The following PCDHGA11 variants were observed in gnomAD, a reference collection of about 807,000 sequenced individuals.
The protein encoded by PCDHGA11 is protocadherin gamma subfamily A, 11.
A neutral mutation model predicts 60.4 loss-of-function variants in PCDHGA11; 39 were observed. The ratio of observed to expected loss-of-function variants is 0.65; its 90% CI spans 0.50 to 0.84. The LOEUF is 0.84. PCDHGA11 is among the 40% of genes least tolerant of loss of function. The probability of loss-of-function intolerance (pLI) is 0.00; values close to 1 mark genes in which losing one functional copy is unlikely to be tolerated. For synonymous variants in PCDHGA11, 533 were observed against 510.3 expected (o/e 1.04, Z -0.60); for missense variants, 1,165 against 1,197.7 (o/e 0.97, Z 0.40).
chr5:141,508,270 G>C lies in PCDHGA11; in HGVS notation c.2582-2677G>C, dbSNP rs547745015. On this transcript the variant is annotated intron_variant, in intron 3 of 3. Coordinates refer to ENST00000398587, the MANE Select transcript of PCDHGA11 (RefSeq NM_018914.3). Reference sequence around the variant, plus strand: ...TCTCCTGGGACCAAGAGAAAATCCCGGTCCTTGACCAAGGTGGGCCTTGGG... The same window carrying C: ...TCTCCTGGGACCAAGAGAAAATCCCCGTCCTTGACCAAGGTGGGCCTTGGG... 4 of 152,228 alleles carry C rather than the reference G, an allele frequency of 2.6e-5. No individual in the cohort carries two copies. The East Asian group carries it at 7.7e-4, about 29-fold the overall frequency. 9.4% of individuals were successfully genotyped at this position (152,228 alleles called of 1,614,324 possible). A position where few individuals can be genotyped will look rare whatever the true frequency, so the allele number is the denominator to read the frequency against.
Position 141,485,210 on chromosome 5 carries a change from C to G in PCDHGA11, c.2434-9597C>G. 2 of 1,614,058 alleles carry G rather than the reference C, an allele frequency of 1.2e-6. No individual in the cohort carries two copies. The highest frequency in any genetic ancestry group is 1.7e-6 in the Non-Finnish European group (2 of 1,179,934). On this transcript the variant is annotated intron_variant, in intron 1 of 3. Transcript: ENST00000398587. The surrounding 1 kb of genome is among the most constrained non-coding windows in gnomAD (Gnocchi z 5.7). ...GGTGAGAAGCTGGACAGAAATCTGG[C>G]GGTGGGCTACCCTTTTGTTCCTCTT...
At position 141,421,851 on chromosome 5, in the gene PCDHGA11, T is replaced by G; in HGVS notation, c.624T>G (p.Ala208=). The change falls in exon 1 of 4, where the codon GCT becomes GCG. Residue 208 remains alanine, a synonymous_variant. Transcript: ENST00000398587. The stretch of plus-strand genomic sequence containing the variant: ...GCCTGGACCGAGAGAAAGAGGCTGC[T>G]CACCTGCTCCTCCTCACAGCTTTAG... ...EGSLDREKEA[A]HLLLLTALDG... is the part of the protein sequence containing the mutation. 1 of 1,613,714 alleles carries G rather than the reference T, an allele frequency of 6.2e-7. No individual in the cohort carries two copies. The highest frequency in any genetic ancestry group is 2.2e-5 in the East Asian group (1 of 44,880).
chr5:141,423,074 G>T lies in PCDHGA11; in HGVS notation c.1847G>T (p.Gly616Val), dbSNP rs2096705802. The change falls in exon 1 of 4, where the codon GGA becomes GTA. Residue 616 changes from glycine (G) to valine (V), a missense_variant. By Grantham distance (109) the Gly-to-Val change is moderately radical. Transcript: ENST00000398587. ...SYRLLKASEP[G>V]LFAVGEHTGE... ...CGCCTGCTTAAGGCCAGCGAGCCGG[G>T]ACTCTTCGCGGTGGGGGAGCACACG... 6.2e-7 allele frequency: 1 copy of T among 1,614,006 alleles called. No individual in the cohort carries two copies. The highest frequency in any genetic ancestry group is 1.3e-5 in the African/African-American group (1 of 74,958).
intron 1 of PCDHGA11, among the ~76,000 whole-genome samples, chr5:141,482,605 C>T (rs2099569133): frequency 6.7e-6 from 1 of 150,032 alleles, no homozygotes; most frequent in Admixed American, 6.6e-5. Flanking sequence ...GAAAAAACAC[C>T]TAAATGAGCC....
In PCDHGA11 at chr5:141,487,869, G is replaced by T; in HGVS notation, c.2434-6938G>T. On this transcript the variant is annotated intron_variant, in intron 1 of 3. Transcript: ENST00000398587. This position sits in a 1 kb window ranked among gnomAD's most constrained non-coding sequence, Gnocchi z 5.0. ...AAATGAAAGTAATTGGTGATCAAGA[G>T]CCAGGCTGTTGTGGAAGCATGATGA... 1.1e-6 allele frequency: 1 copy of T among 871,620 alleles called. No individual in the cohort carries two copies. The highest frequency in any genetic ancestry group is 1.7e-6 in the Non-Finnish European group (1 of 574,346). The allele number at this position is 871,620 out of a possible 1,614,324, so 54.0% of individuals were successfully genotyped here. A position where few individuals can be genotyped will look rare whatever the true frequency, so the allele number is the denominator to read the frequency against.
At chr5:141,481,732 T>G (rs549671056) in intron 1 of PCDHGA11, among the ~76,000 whole-genome samples, 33 of 151,884 alleles carry the variant, frequency 2.2e-4, no homozygotes, top group Non-Finnish European at 4.3e-4. Context: ...GGCGGGCGGA[T>G]CACGAGGTCA....
chr5:141,512,395 C>T lies in PCDHGA11; in HGVS notation c.*1222C>T, dbSNP rs1229077213. ...ACCAAATGAACAGAAAGTCTCAGCCCAGGATGGGGCTTCTTCAACAGGGCC... is the reference window on the plus strand; with the variant it reads ...ACCAAATGAACAGAAAGTCTCAGCCTAGGATGGGGCTTCTTCAACAGGGCC... On this transcript the variant is annotated 3_prime_UTR_variant, in exon 4 of 4. Coordinates refer to ENST00000398587, the MANE Select transcript of PCDHGA11 (RefSeq NM_018914.3). 1 of 152,690 alleles carries T rather than the reference C, an allele frequency of 6.5e-6. No individual in the cohort carries two copies. Among genetic ancestry groups the T allele is most frequent in the Non-Finnish European group, 1.5e-5 (1 of 68,072 alleles). The allele number at this position is 152,690 out of a possible 1,614,324, so 9.5% of individuals were successfully genotyped here.
At chr5:141,458,735 A>G (rs2098952642) in intron 1 of PCDHGA11, among the ~76,000 whole-genome samples, 1 of 148,560 alleles carries the variant, frequency 6.7e-6, no homozygotes, top group East Asian at 2.0e-4. Context: ...ACATCCAGCT[A>G]TTGGTTTTGG....
chr5:141,483,007 C>G (rs938404755), intron 1 of PCDHGA11, among the ~76,000 whole-genome samples: 1 of 152,140 alleles, frequency 6.6e-6, no homozygotes, highest in South Asian at 2.1e-4. Flanking sequence ...ATTGCTTGAA[C>G]CCGGGAGGCA....
intron 1 of PCDHGA11, among the ~76,000 whole-genome samples, chr5:141,454,657 C>T (rs554561906): frequency 5.1e-4 from 77 of 152,192 alleles, no homozygotes; most frequent in African/African-American, 1.7e-3. Flanking sequence ...CTGCCCACCT[C>T]GGCCTCCCAA....
At chr5:141,450,835 T>TATTA (rs1438371595) in intron 1 of PCDHGA11, among the ~76,000 whole-genome samples, 1 of 142,096 alleles carries the variant, frequency 7.0e-6, no homozygotes, top group Admixed American at 6.9e-5. Context: ...TATTATTTTT[T>TATTA]TTTTTTTGAG....
intron 2 of PCDHGA11, among the ~76,000 whole-genome samples, chr5:141,504,926 TGGTG>T (rs1312481961): frequency 1.3e-5 from 2 of 151,946 alleles, no homozygotes; most frequent in Non-Finnish European, 2.9e-5. Context: ...GGCTCTCTCA[TGGTG>T]GGTGGGGGAA....
chr5:141,434,209 A>G (rs946478332), intron 1 of PCDHGA11, among the ~76,000 whole-genome samples: 17 of 152,216 alleles, frequency 1.1e-4, no homozygotes, highest in African/African-American at 4.1e-4. Flanking sequence ...TACTTCTGTC[A>G]GTGTAAACAA....
At chr5:141,435,214 A>C (rs1314928643) in intron 1 of PCDHGA11, among the ~76,000 whole-genome samples, 1 of 152,176 alleles carries the variant, frequency 6.6e-6, no homozygotes, top group Non-Finnish European at 1.5e-5. Flanking sequence ...AAGTGAATTT[A>C]CTTTCTTTCA....
Position 141,476,836 on chromosome 5 carries a change from T to G in PCDHGA11, c.2434-17971T>G. 1 of 1,613,652 alleles carries G rather than the reference T, an allele frequency of 6.2e-7. No homozygotes were observed. The highest frequency in any genetic ancestry group is 8.5e-7 in the Non-Finnish European group (1 of 1,180,042). On this transcript the variant is annotated intron_variant, in intron 1 of 3. Coordinates refer to ENST00000398587, the MANE Select transcript of PCDHGA11 (RefSeq NM_018914.3). The surrounding 1 kb of genome is among the most constrained non-coding windows in gnomAD (Gnocchi z 7.6). ...TCAAGGTGCTGGACGCGAATGACAATGCGCCTGTCTTCAACCAGTCCTTGT... is the reference window on the plus strand; with the variant it reads ...TCAAGGTGCTGGACGCGAATGACAAGGCGCCTGTCTTCAACCAGTCCTTGT...
At chr5:141,483,009 C>G (rs538900128) in intron 1 of PCDHGA11, among the ~76,000 whole-genome samples, 1 of 152,060 alleles carries the variant, frequency 6.6e-6, no homozygotes, top group South Asian at 2.1e-4. Context: ...TGCTTGAACC[C>G]GGGAGGCAGA....
chr5:141,426,691 G>A, intron 1 of PCDHGA11: 1 of 435,886 alleles, frequency 2.3e-6, no homozygotes, highest in South Asian at 1.6e-5. Context: ...CCCCAAAATA[G>A]CATTGTTTTA....
Position 141,432,075 on chromosome 5 carries a change from C to T in PCDHGA11, c.2433+8415C>T. On this transcript the variant is annotated intron_variant, in intron 1 of 3. Transcript: ENST00000398587. The surrounding 1 kb of genome is among the most constrained non-coding windows in gnomAD (Gnocchi z 6.0). ...CCCCTATCCACGGAAACTCATATCT[C>T]GCTGAACGTGGCAGACACCAACGAC... 3 of 1,614,204 alleles carry T rather than the reference C, an allele frequency of 1.9e-6. No homozygotes were observed. Among genetic ancestry groups the T allele is most frequent in the Non-Finnish European group, 2.5e-6 (3 of 1,180,046 alleles).
At chr5:141,433,853 A>G (rs934981508) in intron 1 of PCDHGA11, among the ~76,000 whole-genome samples, 1 of 152,026 alleles carries the variant, frequency 6.6e-6, no homozygotes, top group Non-Finnish European at 1.5e-5. Flanking sequence ...AAAAAAAAAA[A>G]AACTTTATCC....
Sources: gnomAD v4.1 joint callset for allele counts (sites outside exome capture counted in the v4.1 genomes callset) on GRCh38, gnomAD v4.1.1 for gene constraint, Gnocchi (gnomAD v3.1) non-coding constraint, MANE v1.5 for transcripts, NCBI Gene and HGNC (gene_info 2026-07-23, HGNC 2026-07-21) for gene names.